The following C7 variants were observed in gnomAD, a reference collection of about 807,000 sequenced individuals.
C7 encodes the protein complement component C7.
In C7, 83 loss-of-function variants were observed where a neutral mutation model predicts 104.8. That is an observed-to-expected ratio of 0.79 (90% CI 0.66 to 0.95). The LOEUF is 0.95. Ranked by LOEUF, C7 falls within the 40% of genes least tolerant of loss-of-function variation. The probability of loss-of-function intolerance (pLI) is 0.00; values close to 1 mark genes in which losing one functional copy is unlikely to be tolerated. For synonymous variants in C7, 415 were observed against 360.6 expected (o/e 1.15, Z -1.71); for missense variants, 1,070 against 1,011.2 (o/e 1.06, Z -0.79).
intron 14 of C7, among the ~76,000 whole-genome samples, chr5:40,969,142 T>C (rs1740634826): frequency 6.6e-6 from 1 of 152,082 alleles, no homozygotes; most frequent in African/African-American, 2.4e-5. Context: ...TACATTATTA[T>C]ATTTAAAAAT....
intron 4 of C7, 47 bp from the exon 5 acceptor site, chr5:40,936,291 T>C: frequency 1.9e-6 from 3 of 1,601,570 alleles, no homozygotes; most frequent in Non-Finnish European, 2.6e-6. Context: ...GTAGTGTTTC[T>C]CCTCTTCCCT....
At chr5:40,919,682 A>T (rs1172099130) in intron 1 of C7, among the ~76,000 whole-genome samples, 1 of 152,212 alleles carries the variant, frequency 6.6e-6, no homozygotes, top group Non-Finnish European at 1.5e-5. Flanking sequence ...TGAAAAATCC[A>T]CAAATATATG....
At chr5:40,976,666 C>T in intron 15 of C7, 84 bp from the exon 16 acceptor site, 1 of 863,888 alleles carries the variant, frequency 1.2e-6, no homozygotes, top group Non-Finnish European at 1.8e-6. Flanking sequence ...TACTACAGAC[C>T]CTGGTCCAGC....
intron 2 of C7, among the ~76,000 whole-genome samples, chr5:40,929,053 G>A (rs1739619371): frequency 6.6e-6 from 1 of 152,080 alleles, no homozygotes; most frequent in Non-Finnish European, 1.5e-5. Context: ...CTGGAAAAAA[G>A]CCAGCATCAT....
intron 15 of C7, 143 bp from the exon 16 acceptor site, chr5:40,976,607 T>G: frequency 1.9e-6 from 1 of 526,064 alleles, no homozygotes. Flanking sequence ...GTATCACACC[T>G]TGATTATTAT....
At chr5:40,978,160 A>AAAAAAAAG (rs1554044802) in intron 16 of C7, among the ~76,000 whole-genome samples, 1 of 140,394 alleles carries the variant, frequency 7.1e-6, no homozygotes, top group African/African-American at 2.7e-5. Context: ...AAAAAAAAAA[A>AAAAAAAAG]GAACCAAAAC....
chr5:40,951,605 A>G (rs562975221), intron 9 of C7, among the ~76,000 whole-genome samples: 24 of 152,328 alleles, frequency 1.6e-4, no homozygotes, highest in Non-Finnish European at 2.8e-4. Flanking sequence ...CATGTACCCC[A>G]TGAATCGAGA....
At chr5:40,921,486 A>C (rs1230775205) in intron 1 of C7, among the ~76,000 whole-genome samples, 1 of 152,116 alleles carries the variant, frequency 6.6e-6, no homozygotes, top group African/African-American at 2.4e-5. Context: ...AAAAGACTCC[A>C]AGTAGCTAAA....
At chr5:40,935,505 T>A (rs192364587) in intron 4 of C7, among the ~76,000 whole-genome samples, 1 of 152,308 alleles carries the variant, frequency 6.6e-6, no homozygotes, top group African/African-American at 2.4e-5. Context: ...GAGGCAGCGA[T>A]GGTTTTCAAG....
Position 40,982,746 on chromosome 5 carries a change from T to C in C7, c.*1173T>C, listed in dbSNP as rs1212848205. Reference sequence around the variant, plus strand: ...AGATTAGTTTGAAGCATTGACCTTTTATTTATTCCTTATTTCTCTTTCATC... The same window carrying C: ...AGATTAGTTTGAAGCATTGACCTTTCATTTATTCCTTATTTCTCTTTCATC... On this transcript the variant is annotated 3_prime_UTR_variant, in exon 18 of 18. Transcript: ENST00000313164. 1 of 152,332 alleles carries C rather than the reference T, an allele frequency of 6.6e-6. No homozygotes were observed. Among genetic ancestry groups the C allele is most frequent in the Non-Finnish European group, 1.5e-5 (1 of 68,048 alleles). The allele number at this position is 152,332 out of a possible 1,614,324, so 9.4% of individuals were successfully genotyped here.
At position 40,945,242 on chromosome 5, in the gene C7, T is replaced by A; in HGVS notation, c.612T>A (p.Thr204=). ...TTAATTATGAATTTTACAATAGTAC[T>A]TGGTCTTATGTAAAACATACGTCGA... ...NDFNYEFYNS[T]WSYVKHTSTE... The change falls in exon 7 of 18, where the codon ACT becomes ACA. Residue 204 remains threonine, a synonymous_variant. Transcript: ENST00000313164. The A allele has an allele frequency of 6.4e-7, 1 of 1,552,808 alleles. No individual in the cohort carries two copies. The highest frequency in any genetic ancestry group is 8.7e-7 in the Non-Finnish European group (1 of 1,144,572).
At chr5:40,927,171 G>A (rs1173505564) in intron 1 of C7, among the ~76,000 whole-genome samples, 2 of 151,990 alleles carry the variant, frequency 1.3e-5, no homozygotes, top group Admixed American at 6.6e-5. Flanking sequence ...TTTAATAAAT[G>A]GTATTGGGAA....
chr5:40,976,348 T>C (rs1051276430), intron 15 of C7, among the ~76,000 whole-genome samples: 49 of 152,336 alleles, frequency 3.2e-4, no homozygotes, highest in African/African-American at 1.2e-3. Context: ...TTATTGTCCT[T>C]GGATTCAGAC....
At chr5:40,936,250 C>T in intron 4 of C7, 88 bp from the exon 5 acceptor site, 2 of 1,126,644 alleles carry the variant, frequency 1.8e-6, no homozygotes, top group Non-Finnish European at 2.7e-6. Flanking sequence ...TGCAGTGTTA[C>T]AGGTAGCAGG....
Position 40,958,039 on chromosome 5 carries a change from C to A in C7, c.1267C>A (p.Pro423Thr), listed in dbSNP as rs1181736886. Residue 423 changes from proline to threonine, a missense_variant, in exon 11 of 18, where the codon CCT (proline) becomes ACT (threonine). Pro to Thr is a conservative substitution (Grantham distance 38). Coordinates refer to ENST00000313164, the MANE Select transcript of C7 (RefSeq NM_000587.4). ...LPQVIKQKLTPLYELVKEVPC... is the reference protein window; with the variant it reads ...LPQVIKQKLTTLYELVKEVPC... ...AATGTCTTTATCTCTATAGCTGACA[C>A]CTTTATATGAGCTGGTAAAGGAAGT... 8 of 1,610,492 alleles carry A rather than the reference C, an allele frequency of 5.0e-6. No individual in the cohort carries two copies. In the Admixed American group the frequency reaches 1.3e-4, roughly 27 times the overall value.
chr5:40,967,041 T>C (rs1036152623), intron 14 of C7, among the ~76,000 whole-genome samples: 1 of 151,170 alleles, frequency 6.6e-6, no homozygotes, highest in Non-Finnish European at 1.5e-5. Context: ...TGATGAAATG[T>C]CTGTCTTTTA....
chr5:40,984,412 G>A lies in C7; in HGVS notation c.*2839G>A, dbSNP rs1741021366. 1.3e-5 allele frequency among the ~76,000 whole-genome samples: 2 copies of A among 152,136 alleles called. No individual in the cohort carries two copies. Among genetic ancestry groups the A allele is most frequent in the African/African-American group, 2.4e-5 (1 of 41,432 alleles). Reference sequence around the variant, plus strand: ...GATTGAGGGTTGCCCTCTTTGCTGGGCAGATCATGGCTAATCTCAGCTTCA... The same window carrying A: ...GATTGAGGGTTGCCCTCTTTGCTGGACAGATCATGGCTAATCTCAGCTTCA... On this transcript the variant is annotated 3_prime_UTR_variant, in exon 18 of 18. Coordinates refer to ENST00000313164, the MANE Select transcript of C7 (RefSeq NM_000587.4).
intron 1 of C7, among the ~76,000 whole-genome samples, chr5:40,915,311 G>A (rs1739296596): frequency 6.6e-6 from 1 of 152,158 alleles, no homozygotes; most frequent in South Asian, 2.1e-4. Context: ...AGGCAGCTTG[G>A]GGAGGTGGGG....
At chr5:40,912,644 C>T (rs1013062771) in intron 1 of C7, among the ~76,000 whole-genome samples, 7 of 152,152 alleles carry the variant, frequency 4.6e-5, no homozygotes, top group African/African-American at 1.4e-4. Context: ...CAGGCATGAG[C>T]CACCAAACCT....
Sources: allele counts gnomAD v4.1 joint callset (sites outside exome capture counted in the v4.1 genomes callset), GRCh38; gene constraint gnomAD v4.1.1; transcripts MANE v1.5; gene names NCBI Gene and HGNC (gene_info 2026-07-23, HGNC 2026-07-21).